The following COLGALT2 variants were observed in gnomAD, a reference collection of about 807,000 sequenced individuals.
COLGALT2 encodes the protein procollagen galactosyltransferase 2.
In COLGALT2, 49 loss-of-function variants were observed where a neutral mutation model predicts 73.4. The observed-to-expected ratio is 0.67, with a 90% CI of 0.53 to 0.85. COLGALT2 has a LOEUF of 0.85. Among genes scored for constraint, COLGALT2 ranks in the 40% least tolerant of loss-of-function variants. COLGALT2 has a pLI of 0.00. For synonymous variants in COLGALT2, 295 were observed against 307.6 expected, an observed-to-expected ratio of 0.96 and a Z score of 0.43; for missense variants, 722 against 790.2, an observed-to-expected ratio of 0.91 and a Z score of 1.03.
intron 1 of COLGALT2, among the ~76,000 whole-genome samples, chr1:183,991,380 T>A (rs1671624587): frequency 1.3e-5 from 2 of 152,234 alleles, no homozygotes; most frequent in Non-Finnish European, 2.9e-5. Context: ...TTTTCTCTGC[T>A]ACAGTATTTG....
Position 183,936,712 on chromosome 1 carries a change from A to C in COLGALT2, c.*2049T>G. ...CTTAGGAATCACCTAAGGAATTTTC[A>C]CTCGCTCCCCAGATGCTCTTTCTGT... On this transcript the variant is annotated 3_prime_UTR_variant, in exon 12 of 12. Coordinates refer to ENST00000361927, the MANE Select transcript of COLGALT2 (RefSeq NM_015101.4). 1 of 1,230,168 alleles carries C rather than the reference A, an allele frequency of 8.1e-7. No homozygotes were observed. Among genetic ancestry groups the C allele is most frequent in the Non-Finnish European group, 1.0e-6 (1 of 987,534 alleles). The allele number at this position is 1,230,168 out of a possible 1,614,324, so 76.2% of individuals were successfully genotyped here.
In COLGALT2 at chr1:183,964,009, A is replaced by G; in HGVS notation, c.844T>C (p.Tyr282His). The G allele has an allele frequency of 6.2e-7, 1 of 1,613,190 alleles. No homozygotes were observed. Residue 282 changes from tyrosine (Y) to histidine (H), a missense_variant, in exon 6 of 12, where the codon TAC becomes CAC. Coordinates refer to ENST00000361927, the MANE Select transcript of COLGALT2 (RefSeq NM_015101.4). ...FSSRQAGIQM[Y>H]LCNREHYGYL... ...CCATAGTGCTCTCTGTTGCAGAGGT[A>G]CATCTGGATGCCTGAGGATCCAAGA...
chr1:184,035,456 T>G (rs1478300610), intron 1 of COLGALT2, among the ~76,000 whole-genome samples: 1 of 152,222 alleles, frequency 6.6e-6, no homozygotes, highest in Non-Finnish European at 1.5e-5. Context: ...AAATTCCAGT[T>G]TCACCATTTA....
intron 1 of COLGALT2, among the ~76,000 whole-genome samples, chr1:184,026,710 C>G (rs550729825): frequency 6.6e-6 from 1 of 152,140 alleles, no homozygotes; most frequent in South Asian, 2.1e-4. Flanking sequence ...ACATTTGTCA[C>G]AAATGAGGGG....
intron 1 of COLGALT2, among the ~76,000 whole-genome samples, chr1:184,031,816 T>TATCC (rs1234534628): frequency 2.0e-4 from 22 of 109,442 alleles, no homozygotes; most frequent in Admixed American, 3.0e-4. Flanking sequence ...TCCATGAATG[T>TATCC]ATCCTTCCTT....
At chr1:183,988,647 A>G (rs977014857) in intron 1 of COLGALT2, among the ~76,000 whole-genome samples, 25 of 152,298 alleles carry the variant, frequency 1.6e-4, no homozygotes, top group African/African-American at 5.5e-4. Flanking sequence ...AGGTTCACGC[A>G]TGTTGTAGCA....
At chr1:183,987,641 A>G (rs1671524168) in intron 1 of COLGALT2, among the ~76,000 whole-genome samples, 1 of 152,260 alleles carries the variant, frequency 6.6e-6, no homozygotes, top group Admixed American at 6.5e-5. Context: ...ATAAGCACTT[A>G]TCATGAGTTT....
chr1:183,946,758 G>A (rs998081923), intron 8 of COLGALT2: 6 of 152,264 alleles, frequency 3.9e-5, no homozygotes, highest in Admixed American at 6.5e-5. Context: ...TGGGCCGGGA[G>A]TGGTGGCTCA....
intron 9 of COLGALT2, 113 bp from the exon 10 acceptor site, chr1:183,944,436 A>G: frequency 6.9e-6 from 8 of 1,157,618 alleles, no homozygotes; most frequent in Non-Finnish European, 9.6e-6. Flanking sequence ...CATAACTGGA[A>G]TCTAAGCAAA....
Position 183,964,029 on chromosome 1 carries a change from C to T in COLGALT2, c.833-9G>A. 2 of 1,612,188 alleles carry T rather than the reference C, an allele frequency of 1.2e-6. No individual in the cohort carries two copies. Among genetic ancestry groups the T allele is most frequent in the Non-Finnish European group, 1.7e-6 (2 of 1,179,074 alleles). On this transcript the variant is annotated splice_polypyrimidine_tract_variant and intron_variant, in intron 5 of 11. Transcript: ENST00000361927. The stretch of plus-strand genomic sequence containing the variant: ...GAGGTACATCTGGATGCCTGAGGAT[C>T]CAAGAGAGGGACAAAGCCAACAATC...
In COLGALT2 at chr1:183,936,588, G is replaced by A. The variant is rs1669960510; in HGVS notation, c.*2173C>T. On this transcript the variant is annotated 3_prime_UTR_variant, in exon 12 of 12. Coordinates refer to ENST00000361927, the MANE Select transcript of COLGALT2 (RefSeq NM_015101.4). ...TCAACCCAAACTTCCTTCAACCCCA[G>A]CACCCCAGCCACCTCCCACCCCATT... The A allele has an allele frequency of 1.7e-6, 2 of 1,158,276 alleles. No homozygotes were observed. The highest frequency in any genetic ancestry group is 3.2e-5 in the African/African-American group (2 of 62,956). The allele number at this position is 1,158,276 out of a possible 1,614,324, so 71.7% of individuals were successfully genotyped here.
intron 1 of COLGALT2, among the ~76,000 whole-genome samples, chr1:183,993,637 C>T (rs780609054): frequency 6.6e-6 from 1 of 152,160 alleles, no homozygotes; most frequent in Non-Finnish European, 1.5e-5. Flanking sequence ...CCAGGTCAGG[C>T]CATGTCTAAG....
rs367917854 is a variant in COLGALT2 at position 183,969,849 on chromosome 1, T to G, written c.628-376A>C. ...AGACTCCCTGAGTTCAAATCCTACC[T>G]CAGCTACTTATTGTCTGTAGGTATG... On this transcript the variant is annotated intron_variant, in intron 4 of 11. Transcript: ENST00000361927. 7.2e-5 allele frequency among the ~76,000 whole-genome samples: 11 copies of G among 152,302 alleles called. No individual in the cohort carries two copies. The East Asian group carries it at 1.3e-3, about 19-fold the overall frequency.
At chr1:184,006,063 T>C (rs1265335384) in intron 1 of COLGALT2, among the ~76,000 whole-genome samples, 1 of 152,238 alleles carries the variant, frequency 6.6e-6, no homozygotes. Context: ...TTCTAGTATG[T>C]GGTTAAACAA....
At chr1:184,005,307 C>T (rs574983611) in intron 1 of COLGALT2, among the ~76,000 whole-genome samples, 22 of 152,334 alleles carry the variant, frequency 1.4e-4, no homozygotes, top group African/African-American at 5.3e-4. Flanking sequence ...GACCTCTAGT[C>T]CTGGCAGAGG....
chr1:183,977,441 A>G (rs913487202), intron 2 of COLGALT2, among the ~76,000 whole-genome samples: 7 of 148,808 alleles, frequency 4.7e-5, no homozygotes, highest in African/African-American at 1.7e-4. Context: ...ACTGCACTCC[A>G]GCCTGGGTGA....
At chr1:184,029,616 T>C (rs1409851320) in intron 1 of COLGALT2, among the ~76,000 whole-genome samples, 2 of 152,268 alleles carry the variant, frequency 1.3e-5, no homozygotes, top group African/African-American at 2.4e-5. Context: ...AGGTGCTGGT[T>C]ACATGGCATG....
chr1:184,018,911 T>C (rs1649088832), intron 1 of COLGALT2, among the ~76,000 whole-genome samples: 1 of 152,124 alleles, frequency 6.6e-6, no homozygotes, highest in Admixed American at 6.5e-5. Context: ...AAAAATCAAA[T>C]GGGGTTCATC....
intron 1 of COLGALT2, among the ~76,000 whole-genome samples, chr1:184,005,546 A>T (rs1421852776): frequency 6.6e-6 from 1 of 151,946 alleles, no homozygotes; most frequent in African/African-American, 2.4e-5. Flanking sequence ...ACCTGGTTAT[A>T]CTCAGAATTC....
Sources: allele counts gnomAD v4.1 joint callset (sites outside exome capture counted in the v4.1 genomes callset), GRCh38; gene constraint gnomAD v4.1.1; transcripts MANE v1.5; gene names NCBI Gene and HGNC (gene_info 2026-07-23, HGNC 2026-07-21).